The following TMEM117 variants were observed in gnomAD, a reference collection of about 807,000 sequenced individuals.
The protein encoded by TMEM117 is transmembrane protein 117.
A neutral mutation model predicts 52.4 loss-of-function variants in TMEM117; 27 were observed. The ratio of observed to expected loss-of-function variants is 0.51; its 90% CI spans 0.38 to 0.71. The LOEUF is 0.71. Ranked by LOEUF, TMEM117 falls within the 30% of genes least tolerant of loss-of-function variation. The probability of loss-of-function intolerance (pLI) is 0.00; values close to 1 mark genes in which losing one functional copy is unlikely to be tolerated. For synonymous variants in TMEM117, 215 were observed against 206.3 expected (o/e 1.04, Z -0.36); for missense variants, 556 against 630.5 (o/e 0.88, Z 1.26).
chr12:43,813,792 C>G, the TMEM117 span, among the ~76,000 whole-genome samples: 1 of 152,116 alleles, frequency 6.6e-6, no homozygotes, highest in Non-Finnish European at 1.5e-5. Flanking sequence ...TTCCCTGGCT[C>G]TAGTAGGTAA....
chr12:44,056,770 C>G (rs1007437724), intron 3 of TMEM117, among the ~76,000 whole-genome samples: 1 of 152,148 alleles, frequency 6.6e-6, no homozygotes, highest in Admixed American at 6.6e-5. Flanking sequence ...CTCTGTCTCT[C>G]TGTCTTTCTC....
intron 3 of TMEM117, among the ~76,000 whole-genome samples, chr12:43,970,958 C>T (rs1002311014): frequency 7.9e-5 from 12 of 152,040 alleles, no homozygotes; most frequent in Non-Finnish European, 1.2e-4. Context: ...AATATGTCAA[C>T]GGTATTCAAC....
At chr12:44,042,761 TACACACACACACAC>T (rs61350418) in intron 3 of TMEM117, among the ~76,000 whole-genome samples, 5,040 of 132,126 alleles carry the variant, frequency 0.038, 294 homozygotes, top group African/African-American at 0.13. Flanking sequence ...CTTAATAAAC[TACACACACACACAC>T]ACACACACAC....
intron 2 of TMEM117, among the ~76,000 whole-genome samples, chr12:43,912,532 T>TATATATATATATATATATATATAG (rs1565747590): frequency 8.3e-6 from 1 of 120,454 alleles, no homozygotes. Flanking sequence ...TATATATATA[T>TATATATATATATATATATATATAG]ATATGGCAGA....
intron 3 of TMEM117, among the ~76,000 whole-genome samples, chr12:43,957,139 A>C (rs998064653): frequency 2.2e-4 from 34 of 152,108 alleles, no homozygotes; most frequent in African/African-American, 8.0e-4. Flanking sequence ...AACAACAGAC[A>C]CTGGGGCCTG....
In TMEM117 at chr12:44,174,229, A is replaced by T. The variant is rs577444502; in HGVS notation, c.510+30605A>T. Among the ~76,000 whole-genome samples, 5 of 152,332 alleles carry T rather than the reference A, an allele frequency of 3.3e-5. No homozygotes were observed. The South Asian group carries it at 1.0e-3, about 32-fold the overall frequency. ...CATTTAATGAAGAGATCAGAGAACT[A>T]TGACCCTTGGGCCATATCCAGCCTA... is the stretch of plus-strand genomic sequence containing the variant. On this transcript the variant is annotated intron_variant, in intron 4 of 7. Transcript: ENST00000266534.
At chr12:44,007,728 A>G (rs372687393) in intron 3 of TMEM117, among the ~76,000 whole-genome samples, 2 of 152,050 alleles carry the variant, frequency 1.3e-5, no homozygotes, top group African/African-American at 4.8e-5. Context: ...CATGGGGGCT[A>G]GTATTTCTGG....
At chr12:44,137,129 C>T (rs559122490) in intron 3 of TMEM117, among the ~76,000 whole-genome samples, 4 of 151,560 alleles carry the variant, frequency 2.6e-5, no homozygotes, top group Admixed American at 2.0e-4. Context: ...TGTTTATTAC[C>T]CTTGATGAAG....
chr12:44,049,789 A>C (rs1020984167), intron 3 of TMEM117, among the ~76,000 whole-genome samples: 20 of 152,210 alleles, frequency 1.3e-4, no homozygotes, highest in African/African-American at 4.8e-4. Flanking sequence ...AAGCATAATA[A>C]TTTGTGCCCA....
At chr12:43,969,449 G>GA (rs1170111008) in intron 3 of TMEM117, among the ~76,000 whole-genome samples, 8 of 151,216 alleles carry the variant, frequency 5.3e-5, no homozygotes, top group Admixed American at 5.3e-4. Context: ...TTGAACCTGG[G>GA]AGGCGGAGGT....
intron 3 of TMEM117, among the ~76,000 whole-genome samples, chr12:44,020,031 T>C (rs1946432958): frequency 6.6e-6 from 1 of 152,214 alleles, no homozygotes; most frequent in African/African-American, 2.4e-5. Context: ...GGGAATGGTT[T>C]AGTCAGTAAT....
intron 2 of TMEM117, among the ~76,000 whole-genome samples, chr12:43,877,008 G>A (rs1003717387): frequency 2.0e-5 from 3 of 151,984 alleles, no homozygotes; most frequent in Admixed American, 2.0e-4. Flanking sequence ...CAATTTTAAT[G>A]TCTGCTTATT....
intron 3 of TMEM117, among the ~76,000 whole-genome samples, chr12:44,042,499 G>A (rs1280738809): frequency 1.3e-5 from 2 of 151,950 alleles, no homozygotes; most frequent in African/African-American, 4.8e-5. Context: ...TCAGTGGGCT[G>A]GGGAAGGCAG....
intron 4 of TMEM117, among the ~76,000 whole-genome samples, chr12:44,160,782 A>G (rs1205032824): frequency 6.6e-6 from 1 of 152,188 alleles, no homozygotes; most frequent in Non-Finnish European, 1.5e-5. Context: ...AGCCTGGGCA[A>G]CATAGTGAGA....
At chr12:44,161,325 A>C (rs1258333084) in intron 4 of TMEM117, among the ~76,000 whole-genome samples, 1 of 152,178 alleles carries the variant, frequency 6.6e-6, no homozygotes, top group Non-Finnish European at 1.5e-5. Flanking sequence ...TTGGGTTTAA[A>C]TCTCAATTCT....
intron 6 of TMEM117, among the ~76,000 whole-genome samples, chr12:44,304,298 C>T (rs1404841132): frequency 1.3e-5 from 2 of 152,210 alleles, no homozygotes; most frequent in Non-Finnish European, 2.9e-5. Flanking sequence ...TAGAGAGCAT[C>T]TAGACCAGCC....
At chr12:44,141,258 G>A (rs74084675) in intron 3 of TMEM117, among the ~76,000 whole-genome samples, 181 of 152,102 alleles carry the variant, frequency 1.2e-3, no homozygotes, top group African/African-American at 4.3e-3. Context: ...TTTAAGTTCA[G>A]GAGTACATGT....
chr12:43,926,243 C>T (rs1284345609), intron 2 of TMEM117, among the ~76,000 whole-genome samples: 3 of 152,198 alleles, frequency 2.0e-5, no homozygotes, highest in African/African-American at 7.2e-5. Context: ...AGTCCTAAAA[C>T]ATTGGCTGGC....
At chr12:43,992,814 T>C (rs150422501) in intron 3 of TMEM117, among the ~76,000 whole-genome samples, 1 of 152,308 alleles carries the variant, frequency 6.6e-6, no homozygotes, top group African/African-American at 2.4e-5. Flanking sequence ...TTGGTTTATA[T>C]GCCAACTCCA....
Sources: gnomAD v4.1 joint callset for allele counts (sites outside exome capture counted in the v4.1 genomes callset) on GRCh38, gnomAD v4.1.1 for gene constraint, MANE v1.5 for transcripts, NCBI Gene and HGNC (gene_info 2026-07-23, HGNC 2026-07-21) for gene names.